The following ANKRD12 variants were observed in gnomAD, a reference collection of about 807,000 sequenced individuals.
ANKRD12 encodes ankyrin repeat domain-containing protein 12.
In ANKRD12, 85 loss-of-function variants were observed where a neutral mutation model predicts 183.4. The ratio of observed to expected loss-of-function variants is 0.46; its 90% CI spans 0.39 to 0.56. The LOEUF is 0.56. Among genes scored for constraint, ANKRD12 ranks in the 20% least tolerant of loss-of-function variants. ANKRD12 has a pLI of 0.00. For synonymous variants in ANKRD12, 914 were observed against 800.2 expected (o/e 1.14, Z -2.40); for missense variants, 2,405 against 2,357.1 (o/e 1.02, Z -0.42).
chr18:9,170,731 T>C (rs1007031873), intron 1 of ANKRD12, among the ~76,000 whole-genome samples: 2 of 152,332 alleles, frequency 1.3e-5, no homozygotes, highest in East Asian at 1.9e-4. Context: ...CCTCCAGCTT[T>C]GTTCCATTGC....
intron 8 of ANKRD12, among the ~76,000 whole-genome samples, chr18:9,230,741 C>T (rs577883444): frequency 6.6e-6 from 1 of 151,982 alleles, no homozygotes; most frequent in South Asian, 2.1e-4. Flanking sequence ...TTATTGCAAC[C>T]TTTGCCTCCC....
Position 9,139,613 on chromosome 18 carries a change from A to G in ANKRD12, c.-52+2648A>G, listed in dbSNP as rs141283667. On this transcript the variant is annotated intron_variant, in intron 1 of 12. Coordinates refer to ENST00000262126, the MANE Select transcript of ANKRD12 (RefSeq NM_015208.5). ...AAGAGGTTTCTACTGCTCTCTGTAT[A>G]TAGACTTAGTTATGTTAAAGTAACG... Among the ~76,000 whole-genome samples the G allele has an allele frequency of 9.3e-4, 142 of 152,338 alleles. 1 individual carries two copies. In the East Asian group the frequency reaches 0.025, roughly 27 times the overall value.
At chr18:9,277,245 A>G (rs906782936) in intron 11 of ANKRD12, among the ~76,000 whole-genome samples, 1 of 151,656 alleles carries the variant, frequency 6.6e-6, no homozygotes, top group African/African-American at 2.4e-5. Flanking sequence ...CGATTAAGCC[A>G]AGGAGTTCGA....
At chr18:9,200,109 T>C (rs1178480034) in intron 3 of ANKRD12, among the ~76,000 whole-genome samples, 2 of 152,212 alleles carry the variant, frequency 1.3e-5, no homozygotes, top group Admixed American at 6.5e-5. Context: ...TTGCGAGATA[T>C]CGTAGTGTGT....
At chr18:9,170,675 A>C (rs58350342) in intron 1 of ANKRD12, among the ~76,000 whole-genome samples, 9,681 of 152,070 alleles carry the variant, frequency 0.064, 340 homozygotes, top group Non-Finnish European at 0.079. Flanking sequence ...AGCTCGGAGT[A>C]GTTTGATCTT....
At chr18:9,266,241 A>G (rs1043813351) in intron 10 of ANKRD12, among the ~76,000 whole-genome samples, 1 of 152,252 alleles carries the variant, frequency 6.6e-6, no homozygotes, top group Admixed American at 6.5e-5. Context: ...GCAGACCAAC[A>G]TTCAAATTCA....
intron 10 of ANKRD12, among the ~76,000 whole-genome samples, chr18:9,270,767 T>C (rs931864484): frequency 4.6e-5 from 7 of 152,162 alleles, no homozygotes; most frequent in African/African-American, 1.7e-4. Flanking sequence ...AAAAGTATAA[T>C]ATAAAAAATA....
chr18:9,265,368 C>T (rs972083832), intron 10 of ANKRD12, among the ~76,000 whole-genome samples: 1 of 152,214 alleles, frequency 6.6e-6, no homozygotes, highest in African/African-American at 2.4e-5. Flanking sequence ...AACTGGGAGG[C>T]ACCCCCCCAG....
chr18:9,217,557 C>T (rs1261083982), intron 7 of ANKRD12, among the ~76,000 whole-genome samples: 1 of 152,102 alleles, frequency 6.6e-6, no homozygotes, highest in Admixed American at 6.6e-5. Flanking sequence ...TGCTATTTTT[C>T]TCAATTACAT....
At chr18:9,272,832 T>G (rs2039670687) in intron 10 of ANKRD12, among the ~76,000 whole-genome samples, 1 of 152,226 alleles carries the variant, frequency 6.6e-6, no homozygotes, top group South Asian at 2.1e-4. Context: ...TTTCTTTGTT[T>G]TTTTCATGAA....
intron 1 of ANKRD12, among the ~76,000 whole-genome samples, chr18:9,147,713 A>G (rs907782495): frequency 1.3e-5 from 2 of 152,216 alleles, no homozygotes; most frequent in Admixed American, 1.3e-4. Flanking sequence ...AGTGAAAGCT[A>G]AACTTCAACA....
At chr18:9,273,883 T>A (rs1163484668) in intron 10 of ANKRD12, among the ~76,000 whole-genome samples, 2 of 152,180 alleles carry the variant, frequency 1.3e-5, no homozygotes, top group Admixed American at 1.3e-4. Flanking sequence ...TGACATAGAT[T>A]AACAGGAGAA....
At chr18:9,218,742 T>A (rs1360268067) in intron 7 of ANKRD12, among the ~76,000 whole-genome samples, 2 of 151,976 alleles carry the variant, frequency 1.3e-5, no homozygotes, top group Non-Finnish European at 2.9e-5. Context: ...CAATCACAGA[T>A]TACTGCAGCC....
intron 10 of ANKRD12, among the ~76,000 whole-genome samples, chr18:9,265,261 A>G (rs1399548608): frequency 2.0e-5 from 3 of 152,246 alleles, no homozygotes; most frequent in African/African-American, 7.2e-5. Context: ...CCTGTCTGAC[A>G]GCTTTGAAGA....
chr18:9,269,134 T>C (rs1460437785), intron 10 of ANKRD12, among the ~76,000 whole-genome samples: 2 of 152,152 alleles, frequency 1.3e-5, no homozygotes, highest in Non-Finnish European at 2.9e-5. Flanking sequence ...TACAAACAAA[T>C]AGAAGAACAT....
chr18:9,184,129 T>G lies in ANKRD12; in HGVS notation c.87+1610T>G, dbSNP rs560817088. 8.5e-5 allele frequency among the ~76,000 whole-genome samples: 13 copies of G among 152,350 alleles called. No homozygotes were observed. In the South Asian group the frequency reaches 2.7e-3, roughly 32 times the overall value. Reference sequence around the variant, plus strand: ...TTATTTATATAACATCGATTACATCTAGATATGTGATTAACCCAACAAAAG... The same window carrying G: ...TTATTTATATAACATCGATTACATCGAGATATGTGATTAACCCAACAAAAG... On this transcript the variant is annotated intron_variant, in intron 2 of 12. Transcript: ENST00000262126.
intron 7 of ANKRD12, among the ~76,000 whole-genome samples, chr18:9,221,333 G>A (rs7244191): frequency 0.018 from 2,801 of 152,172 alleles, 94 homozygotes; most frequent in African/African-American, 0.064. Context: ...TGAAAGTGAA[G>A]GGTCTTGAAG....
Position 9,225,325 on chromosome 18 carries a change from T to G in ANKRD12, c.943+3326T>G, listed in dbSNP as rs544982348. 7.7e-5 allele frequency among the ~76,000 whole-genome samples: 7 copies of G among 91,118 alleles called. 2 individuals are homozygous for G. The South Asian group carries it at 4.2e-3, about 55-fold the overall frequency. The allele number at this position is 91,118 out of a possible 152,430, so 59.8% of individuals were successfully genotyped here. ...CCCATCTCTACAAAAAATACAAAAATTAGCCAGGCATGGTGGCGTGCGTCT... is the reference window on the plus strand; with the variant it reads ...CCCATCTCTACAAAAAATACAAAAAGTAGCCAGGCATGGTGGCGTGCGTCT... On this transcript the variant is annotated intron_variant, in intron 8 of 12. Coordinates refer to ENST00000262126, the MANE Select transcript of ANKRD12 (RefSeq NM_015208.5).
At chr18:9,271,010 T>C (rs906627828) in intron 10 of ANKRD12, among the ~76,000 whole-genome samples, 1 of 152,158 alleles carries the variant, frequency 6.6e-6, no homozygotes, top group Non-Finnish European at 1.5e-5. Flanking sequence ...AGCTGTGTCA[T>C]AGAAGTATCT....
Sources: gnomAD v4.1 joint callset for allele counts (sites outside exome capture counted in the v4.1 genomes callset) on GRCh38, gnomAD v4.1.1 for gene constraint, MANE v1.5 for transcripts, NCBI Gene and HGNC (gene_info 2026-07-23, HGNC 2026-07-21) for gene names.